TMPRSS15: variants seen among roughly 807,000 people sequenced by gnomAD.
The protein encoded by TMPRSS15 is transmembrane serine protease 15, also known as enteropeptidase.
Under a neutral mutation model 125.3 loss-of-function variants are expected in TMPRSS15, and 128 were observed. The ratio of observed to expected loss-of-function variants is 1.02; its 90% CI spans 0.89 to 1.18. The LOEUF (loss-of-function observed/expected upper bound fraction) is 1.18, where lower values mean the gene tolerates loss of function less well. Ranked by LOEUF, TMPRSS15 falls within the 50% of genes most tolerant of loss-of-function variation. The pLI is 0.00. For synonymous variants in TMPRSS15, 446 were observed against 423.2 expected, an observed-to-expected ratio of 1.05 and a Z score of -0.66; for missense variants, 1,283 against 1,212.7, an observed-to-expected ratio of 1.06 and a Z score of -0.86.
intron 1 of TMPRSS15, among the ~76,000 whole-genome samples, chr21:18,472,080 TAGA>T (rs1386934549): frequency 2.6e-5 from 4 of 152,242 alleles, no homozygotes; most frequent in Middle Eastern, 6.8e-3. Flanking sequence ...GAAGTTGCTT[TAGA>T]AGAAGATCTC....
intron 21 of TMPRSS15, among the ~76,000 whole-genome samples, chr21:18,287,136 T>C (rs117680236): frequency 0.04 from 6,022 of 152,338 alleles, 154 homozygotes; most frequent in Non-Finnish European, 0.059. Context: ...TAACATGTCA[T>C]ATAAACCTTA....
chr21:18,368,373 GGAGTCA>G (rs1233425624), intron 6 of TMPRSS15, among the ~76,000 whole-genome samples: 1 of 152,174 alleles, frequency 6.6e-6, no homozygotes, highest in Non-Finnish European at 1.5e-5. Context: ...CAAATCCCTT[GGAGTCA>G]GATAAGGTCA....
At chr21:18,391,144 C>G (rs952232513) in intron 3 of TMPRSS15, among the ~76,000 whole-genome samples, 1 of 152,148 alleles carries the variant, frequency 6.6e-6, no homozygotes, top group Non-Finnish European at 1.5e-5. Flanking sequence ...CAAACCATAT[C>G]ATTCTGCTTC....
In TMPRSS15 at chr21:18,346,039, A is replaced by T. The variant is rs116732477; in HGVS notation, c.1172-1979T>A. On this transcript the variant is annotated intron_variant, in intron 10 of 24. Transcript: ENST00000284885. ...AATTATGTAGACTATAGTACCTTAT[A>T]AATCTTGCCTAGAGTAAATATCATA... is the stretch of plus-strand genomic sequence containing the variant. Among the ~76,000 whole-genome samples, 825 of 152,130 alleles carry T rather than the reference A, an allele frequency of 5.4e-3. 7 individuals carry two copies. Among genetic ancestry groups the T allele is most frequent in the African/African-American group, 0.019 (791 of 41,528 alleles).
chr21:18,475,003 C>T (rs191211570), intron 1 of TMPRSS15, among the ~76,000 whole-genome samples: 4 of 152,240 alleles, frequency 2.6e-5, no homozygotes, highest in Admixed American at 2.6e-4. Flanking sequence ...AGATGTGAGA[C>T]CATAATATAG....
intron 6 of TMPRSS15, among the ~76,000 whole-genome samples, chr21:18,366,354 T>C (rs1391941372): frequency 6.6e-6 from 1 of 152,178 alleles, no homozygotes; most frequent in Non-Finnish European, 1.5e-5. Context: ...AGATAACTAG[T>C]TCAATGTTTT....
chr21:18,370,796 CT>C (rs780745034), intron 6 of TMPRSS15, among the ~76,000 whole-genome samples: 14 of 152,076 alleles, frequency 9.2e-5, no homozygotes, highest in Non-Finnish European at 2.1e-4. Flanking sequence ...GACCAAATGC[CT>C]GGCTTTTAAA....
chr21:18,287,340 G>GT (rs1435039575), intron 21 of TMPRSS15, among the ~76,000 whole-genome samples: 1 of 152,090 alleles, frequency 6.6e-6, no homozygotes, highest in Admixed American at 6.5e-5. Flanking sequence ...GCAGAGTTGC[G>GT]TATCAATCCA....
At chr21:18,442,880 G>A (rs1018645928) in intron 1 of TMPRSS15, among the ~76,000 whole-genome samples, 3 of 152,044 alleles carry the variant, frequency 2.0e-5, no homozygotes, top group African/African-American at 7.2e-5. Context: ...ATTCTATTTC[G>A]CCTGAAAAAA....
At chr21:18,474,623 C>T (rs944665788) in intron 1 of TMPRSS15, among the ~76,000 whole-genome samples, 3 of 152,056 alleles carry the variant, frequency 2.0e-5, no homozygotes, top group African/African-American at 7.2e-5. Flanking sequence ...GAATAAAGTG[C>T]ATGAAGTGCA....
At chr21:18,358,690 G>A (rs1439810921) in intron 8 of TMPRSS15, among the ~76,000 whole-genome samples, 2 of 151,772 alleles carry the variant, frequency 1.3e-5, no homozygotes, top group African/African-American at 4.8e-5. Context: ...TGAACTTATG[G>A]TAATTTAATA....
chr21:18,413,462 G>A (rs1023513353), intron 1 of TMPRSS15, among the ~76,000 whole-genome samples: 6 of 150,744 alleles, frequency 4.0e-5, no homozygotes, highest in African/African-American at 1.5e-4. Context: ...CTGTCACCCA[G>A]GCTGGAGTGC....
chr21:18,419,555 C>A (rs1029692372), intron 1 of TMPRSS15, among the ~76,000 whole-genome samples: 3 of 152,112 alleles, frequency 2.0e-5, no homozygotes, highest in Non-Finnish European at 4.4e-5. Context: ...AAACTCTAAC[C>A]TTCTCTTTCT....
At chr21:18,413,792 A>G (rs1267408465) in intron 1 of TMPRSS15, among the ~76,000 whole-genome samples, 1 of 151,734 alleles carries the variant, frequency 6.6e-6, no homozygotes, top group Non-Finnish European at 1.5e-5. Flanking sequence ...CAGTGGTATG[A>G]TCATAGCTCA....
At chr21:18,380,171 A>T (rs867458131) in intron 4 of TMPRSS15, among the ~76,000 whole-genome samples, 33 of 143,690 alleles carry the variant, frequency 2.3e-4, no homozygotes, top group East Asian at 6.4e-4. Flanking sequence ...GAGATGTCAC[A>T]CACACACACA....
intron 1 of TMPRSS15, among the ~76,000 whole-genome samples, chr21:18,461,481 A>T (rs1214509153): frequency 1.3e-5 from 2 of 152,168 alleles, no homozygotes; most frequent in Non-Finnish European, 2.9e-5. Flanking sequence ...TTAAAAAAAA[A>T]ATAAATGCAC....
intron 1 of TMPRSS15, among the ~76,000 whole-genome samples, chr21:18,452,986 G>T (rs899670750): frequency 6.6e-6 from 1 of 152,096 alleles, no homozygotes; most frequent in African/African-American, 2.4e-5. Context: ...AACAAAGTTT[G>T]AAGTGCACAA....
intron 18 of TMPRSS15, among the ~76,000 whole-genome samples, chr21:18,311,513 A>C (rs1230933859): frequency 6.6e-6 from 1 of 152,226 alleles, no homozygotes; most frequent in Non-Finnish European, 1.5e-5. Flanking sequence ...ATTACTAGAG[A>C]AATGCAAATC....
chr21:18,405,219 A>G (rs2076141934), upstream of TMPRSS15, among the ~76,000 whole-genome samples: 1 of 152,198 alleles, frequency 6.6e-6, no homozygotes, highest in Non-Finnish European at 1.5e-5. Flanking sequence ...CATAGCATGG[A>G]TTAATGGATA....
Sources: allele counts gnomAD v4.1 joint callset (sites outside exome capture counted in the v4.1 genomes callset), GRCh38; gene constraint gnomAD v4.1.1; transcripts MANE v1.5; gene names NCBI Gene and HGNC (gene_info 2026-07-23, HGNC 2026-07-21).